IFT80: variants seen among roughly 807,000 people sequenced by gnomAD.
The protein encoded by IFT80 is intraflagellar transport 80, also known as intraflagellar transport protein 80 homolog.
Under a neutral mutation model 107.9 loss-of-function variants are expected in IFT80, and 79 were observed. That is an observed-to-expected ratio of 0.73 (90% confidence interval 0.61 to 0.88). The LOEUF is 0.88. Ranked by LOEUF, IFT80 falls within the 40% of genes least tolerant of loss-of-function variation. The probability of loss-of-function intolerance (pLI) is 0.00; values close to 1 mark genes in which losing one functional copy is unlikely to be tolerated. For synonymous variants in IFT80, 299 were observed against 300.9 expected, an observed-to-expected ratio of 0.99 and a Z score of 0.07; for missense variants, 797 against 914.2, an observed-to-expected ratio of 0.87 and a Z score of 1.65.
chr3:160,300,957 G>T lies in IFT80; in HGVS notation c.1241C>A (p.Thr414Lys), dbSNP rs1716379074. Residue 414 changes from threonine (T) to lysine (K), a missense_variant, in exon 12 of 20, where the codon ACA (threonine) becomes AAA (lysine). Thr to Lys is a moderately conservative substitution (Grantham distance 78). Transcript: ENST00000326448. The part of the protein sequence containing the change: ...ISSPKFPGMR[T>K]DILNAQTVSL... ...CACAGTCTGTGCATTCAGAATATCTGTTCTCATTCCAGGAAATTTTGGAGA... is the reference window on the plus strand; with the variant it reads ...CACAGTCTGTGCATTCAGAATATCTTTTCTCATTCCAGGAAATTTTGGAGA... The T allele has an allele frequency of 6.2e-7, 1 of 1,611,134 alleles. No homozygotes were observed.
chr3:160,263,904 C>T (rs1158216188), intron 19 of IFT80, among the ~76,000 whole-genome samples: 2 of 152,148 alleles, frequency 1.3e-5, no homozygotes, highest in Non-Finnish European at 1.5e-5. Flanking sequence ...ATCTCCTGAA[C>T]TTGTGATCTG....
chr3:160,294,878 G>A (rs1715855082), intron 12 of IFT80, among the ~76,000 whole-genome samples: 1 of 152,244 alleles, frequency 6.6e-6, no homozygotes, highest in African/African-American at 2.4e-5. Flanking sequence ...AGGCATACAC[G>A]CAAATAAGGT....
At chr3:160,376,974 T>G (rs1047434717) in intron 4 of IFT80, among the ~76,000 whole-genome samples, 10 of 152,144 alleles carry the variant, frequency 6.6e-5, no homozygotes, top group Admixed American at 5.9e-4. Context: ...CCACCTAAAC[T>G]GATCCCTGAC....
intron 8 of IFT80, among the ~76,000 whole-genome samples, chr3:160,345,186 G>A (rs559657388): frequency 6.6e-6 from 1 of 152,162 alleles, no homozygotes; most frequent in Non-Finnish European, 1.5e-5. Context: ...AGCAACCTAA[G>A]TGTCCATCAA....
intron 11 of IFT80, 75 bp downstream of exon 11, chr3:160,303,840 G>T: frequency 2.2e-6 from 2 of 899,918 alleles, no homozygotes; most frequent in Non-Finnish European, 3.7e-6. Context: ...TCTTTTAATT[G>T]GATGTTTTTA....
intron 8 of IFT80, among the ~76,000 whole-genome samples, chr3:160,335,312 C>G (rs1393523070): frequency 6.6e-6 from 1 of 151,244 alleles, no homozygotes; most frequent in Admixed American, 6.6e-5. Flanking sequence ...CTCACTGCAA[C>G]CTTTGCCTCC....
At chr3:160,351,098 G>A (rs1312262253) in intron 8 of IFT80, among the ~76,000 whole-genome samples, 2 of 151,692 alleles carry the variant, frequency 1.3e-5, no homozygotes, top group Non-Finnish European at 2.9e-5. Context: ...CACCACTTAT[G>A]ACTAAATCAC....
intron 12 of IFT80, among the ~76,000 whole-genome samples, chr3:160,288,940 A>G (rs1185923173): frequency 6.6e-6 from 1 of 152,250 alleles, no homozygotes; most frequent in East Asian, 1.9e-4. Flanking sequence ...CATTCAACCC[A>G]GCAATCCCAT....
rs1206577131 is a variant in IFT80 at position 160,312,830 on chromosome 3, TATATA to T, written c.958-5054_958-5050del. On this transcript the variant is annotated intron_variant, in intron 9 of 19. Transcript: ENST00000326448. ...ATATTATATATAAATATATAATATA[TATATA>T]ATAAATGTATATTATATATAAATAT... Among the ~76,000 whole-genome samples the T allele has an allele frequency of 2.5e-3, 91 of 36,690 alleles. 16 individuals are homozygous for T. The highest frequency in any genetic ancestry group is 4.0e-3 in the Non-Finnish European group (80 of 20,142). 24.1% of individuals were successfully genotyped at this position (36,690 alleles called of 152,430 possible). A position where few individuals can be genotyped will look rare whatever the true frequency, so the allele number is the denominator to read the frequency against.
At chr3:160,384,391 T>C (rs1037713281) in intron 2 of IFT80, 173 bp downstream of exon 2, 83 of 1,272,364 alleles carry the variant, frequency 6.5e-5, no homozygotes, top group Non-Finnish European at 7.8e-5. Context: ...CGGTTCACTT[T>C]GGAGAATTAC....
intron 5 of IFT80, among the ~76,000 whole-genome samples, chr3:160,373,977 T>C (rs974243929): frequency 6.6e-6 from 1 of 152,268 alleles, no homozygotes; most frequent in East Asian, 1.9e-4. Flanking sequence ...ACCCCTGACA[T>C]AGACTAAACA....
intron 8 of IFT80, among the ~76,000 whole-genome samples, chr3:160,322,038 AT>A (rs1272568654): frequency 3.7e-5 from 5 of 134,296 alleles, no homozygotes; most frequent in Admixed American, 7.5e-5. Flanking sequence ...TTATTTATTT[AT>A]TTATTATTAT....
intron 3 of IFT80, among the ~76,000 whole-genome samples, chr3:160,380,812 A>C (rs1228234146): frequency 6.6e-6 from 1 of 152,218 alleles, no homozygotes; most frequent in East Asian, 1.9e-4. Context: ...AAAATAAAGT[A>C]TGTATTTTAA....
chr3:160,339,178 G>C (rs1273619053), intron 8 of IFT80, among the ~76,000 whole-genome samples: 1 of 152,124 alleles, frequency 6.6e-6, no homozygotes, highest in Non-Finnish European at 1.5e-5. Flanking sequence ...CTGTATGTAA[G>C]TAATATCTCT....
At chr3:160,393,197 A>G (rs1713517018) in intron 1 of IFT80, among the ~76,000 whole-genome samples, 1 of 152,226 alleles carries the variant, frequency 6.6e-6, no homozygotes, top group Non-Finnish European at 1.5e-5. Flanking sequence ...CATAAAGTCA[A>G]TATAAATCAT....
At chr3:160,379,602 T>C (rs143957056) in intron 3 of IFT80, among the ~76,000 whole-genome samples, 3 of 152,306 alleles carry the variant, frequency 2.0e-5, no homozygotes, top group African/African-American at 7.2e-5. Flanking sequence ...GAGCCAATAC[T>C]TTGTCCCAAC....
chr3:160,364,085 GA>G (rs1721686368), intron 6 of IFT80, among the ~76,000 whole-genome samples: 3 of 152,044 alleles, frequency 2.0e-5, no homozygotes, highest in Admixed American at 6.6e-5. Flanking sequence ...CAGAATGGGA[GA>G]AAATTTTTGC....
At chr3:160,342,074 A>G (rs966370142) in intron 8 of IFT80, among the ~76,000 whole-genome samples, 5 of 152,194 alleles carry the variant, frequency 3.3e-5, no homozygotes. Flanking sequence ...ATTTAAAAAC[A>G]AAGAAACAAT....
intron 1 of IFT80, among the ~76,000 whole-genome samples, chr3:160,397,226 G>C (rs1171263379): frequency 6.6e-6 from 1 of 152,062 alleles, no homozygotes; most frequent in Non-Finnish European, 1.5e-5. Flanking sequence ...CTGTTATATA[G>C]TAACAATCTT....
Sources: gnomAD v4.1 joint callset for allele counts (sites outside exome capture counted in the v4.1 genomes callset) on GRCh38, gnomAD v4.1.1 for gene constraint, MANE v1.5 for transcripts, NCBI Gene and HGNC (gene_info 2026-07-23, HGNC 2026-07-21) for gene names.